Variants in DIS3L2 observed in about 807,000 individuals in gnomAD.
DIS3L2 encodes DIS3-like exonuclease 2.
Under a neutral mutation model 97.5 loss-of-function variants are expected in DIS3L2, and 34 were observed. That is an observed-to-expected ratio of 0.35 (90% CI 0.27 to 0.46). DIS3L2 has a LOEUF of 0.46. DIS3L2 is among the 20% of genes least tolerant of loss of function. The pLI, the probability that DIS3L2 is intolerant of heterozygous loss-of-function variation, is 1.00. For synonymous variants in DIS3L2, 435 were observed against 445.2 expected, an observed-to-expected ratio of 0.98 and a Z score of 0.29; for missense variants, 1,038 against 1,146.0, an observed-to-expected ratio of 0.91 and a Z score of 1.36.
At chr2:232,118,163 G>A (rs1472102815) in intron 6 of DIS3L2, among the ~76,000 whole-genome samples, 1 of 152,210 alleles carries the variant, frequency 6.6e-6, no homozygotes, top group Non-Finnish European at 1.5e-5. Flanking sequence ...ATCAGATCCA[G>A]AGAGTCAGCT....
chr2:232,087,237 T>G (rs1696688700), intron 5 of DIS3L2, among the ~76,000 whole-genome samples: 1 of 152,068 alleles, frequency 6.6e-6, no homozygotes. Context: ...AGATCAGAAA[T>G]ATGAGAAGTG....
chr2:231,994,509 A>T (rs1489965707), intron 1 of DIS3L2, among the ~76,000 whole-genome samples: 1 of 152,174 alleles, frequency 6.6e-6, no homozygotes, highest in East Asian at 1.9e-4. Context: ...TAGTGTCAAC[A>T]GCTTACCACT....
At position 231,981,722 on chromosome 2, in the gene DIS3L2, C is replaced by CT. The variant is rs199578441; in HGVS notation, c.-94+19965dup. ...TTTAATTAAGTGCTTATTAAGTGTCCTTTTTTTTAGATGTTTAATACTAAT... is the reference window on the plus strand; with the variant it reads ...TTTAATTAAGTGCTTATTAAGTGTCCTTTTTTTTTAGATGTTTAATACTAAT... On this transcript the variant is annotated intron_variant, in intron 1 of 20. Transcript: ENST00000325385. Among the ~76,000 whole-genome samples, 1,015 of 143,430 alleles carry CT rather than the reference C, an allele frequency of 7.1e-3. 10 individuals are homozygous for CT. Among genetic ancestry groups the CT allele is most frequent in the African/African-American group, 0.025 (976 of 38,928 alleles). The allele number at this position is 143,430 out of a possible 152,430, so 94.1% of individuals were successfully genotyped here. A position where few individuals can be genotyped will look rare whatever the true frequency, so the allele number is the denominator to read the frequency against.
chr2:232,199,356 G>C (rs544852314), intron 9 of DIS3L2, among the ~76,000 whole-genome samples: 46 of 152,266 alleles, frequency 3.0e-4, no homozygotes, highest in East Asian at 2.9e-3. Flanking sequence ...GAAGTTTCTC[G>C]GAGTCAGATT....
At chr2:232,164,966 G>A (rs571207765) in intron 9 of DIS3L2, among the ~76,000 whole-genome samples, 2 of 152,288 alleles carry the variant, frequency 1.3e-5, no homozygotes, top group Admixed American at 6.5e-5. Flanking sequence ...AAGAATGCTA[G>A]AATAAATGGT....
chr2:232,160,378 A>G (rs1030070076), intron 8 of DIS3L2, among the ~76,000 whole-genome samples: 1 of 152,194 alleles, frequency 6.6e-6, no homozygotes, highest in Non-Finnish European at 1.5e-5. Flanking sequence ...GGCAGTTTGC[A>G]TCTTTCAAGG....
At chr2:231,988,999 A>G (rs774570541) in intron 1 of DIS3L2, among the ~76,000 whole-genome samples, 1 of 152,188 alleles carries the variant, frequency 6.6e-6, no homozygotes, top group Non-Finnish European at 1.5e-5. Flanking sequence ...CCAAATTGCC[A>G]TGGTAAAATT....
chr2:232,158,665 C>CT (rs1690567809), intron 8 of DIS3L2, among the ~76,000 whole-genome samples: 1 of 152,020 alleles, frequency 6.6e-6, no homozygotes, highest in South Asian at 2.1e-4. Context: ...CAAGAAATTT[C>CT]TTTTTTTCTT....
At chr2:232,114,406 C>A (rs1458244525) in intron 6 of DIS3L2, among the ~76,000 whole-genome samples, 1 of 152,056 alleles carries the variant, frequency 6.6e-6, no homozygotes, top group African/African-American at 2.4e-5. Flanking sequence ...AGCTTAGCAA[C>A]TGTGTGATGC....
At chr2:232,092,329 GAAGTCTGGTA>G (rs1168740260) in intron 6 of DIS3L2, among the ~76,000 whole-genome samples, 1 of 152,128 alleles carries the variant, frequency 6.6e-6, no homozygotes, top group African/African-American at 2.4e-5. Context: ...ATTATAATTT[GAAGTCTGGTA>G]ATCTGATTCC....
intron 13 of DIS3L2, among the ~76,000 whole-genome samples, chr2:232,279,565 A>G (rs560961628): frequency 7.3e-5 from 11 of 151,686 alleles, no homozygotes; most frequent in African/African-American, 1.9e-4. Flanking sequence ...GTCTTGCACT[A>G]TCGCCCAGGC....
At chr2:232,016,746 C>G (rs771655441) in intron 3 of DIS3L2, among the ~76,000 whole-genome samples, 2 of 151,796 alleles carry the variant, frequency 1.3e-5, no homozygotes, top group African/African-American at 4.8e-5. Flanking sequence ...ATAATACTTT[C>G]ATTAGTATAG....
chr2:232,292,067 G>A lies in DIS3L2; in HGVS notation c.1660-7973G>A, dbSNP rs549025517. ...CAGCCAAAGATCTACCTGTTCAGTA[G>A]CCCAGAGGGACCCCTGGCATGCTTG... is the stretch of plus-strand genomic sequence containing the variant. On this transcript the variant is annotated intron_variant, in intron 13 of 20. Coordinates refer to ENST00000325385, the MANE Select transcript of DIS3L2 (RefSeq NM_152383.5). The surrounding 1 kb of genome is among the most constrained non-coding windows in gnomAD (Gnocchi z 4.4). 1.3e-5 allele frequency among the ~76,000 whole-genome samples: 2 copies of A among 152,216 alleles called. No individual in the cohort carries two copies. Among genetic ancestry groups the A allele is most frequent in the South Asian group, 4.2e-4 (2 of 4,818 alleles).
intron 1 of DIS3L2, among the ~76,000 whole-genome samples, chr2:231,989,339 TTGTGTGTGTGTGTG>T (rs59088969): frequency 3.4e-5 from 5 of 146,798 alleles, no homozygotes; most frequent in South Asian, 2.2e-4. Flanking sequence ...GTCAGTATAA[TTGTGTGTGTGTGTG>T]TGTGTGTGTG....
chr2:232,297,726 A>G (rs1378888083), intron 13 of DIS3L2, among the ~76,000 whole-genome samples: 3 of 139,706 alleles, frequency 2.1e-5, no homozygotes, highest in South Asian at 4.5e-4. Flanking sequence ...TTTTTGAGAC[A>G]GACTCTCGCT....
chr2:232,024,373 T>G (rs1694602913), intron 4 of DIS3L2, 43 bp downstream of exon 4: 1 of 1,464,884 alleles, frequency 6.8e-7, no homozygotes, highest in Non-Finnish European at 9.4e-7. Context: ...TCACATTTAA[T>G]TTTTTAGATC....
At chr2:232,082,933 T>A (rs981821258) in intron 5 of DIS3L2, among the ~76,000 whole-genome samples, 1 of 152,156 alleles carries the variant, frequency 6.6e-6, no homozygotes, top group Non-Finnish European at 1.5e-5. Flanking sequence ...CTTCCAGTCG[T>A]GGCAGAAGGT....
chr2:232,168,535 A>G (rs765468182), intron 9 of DIS3L2, among the ~76,000 whole-genome samples: 3 of 152,186 alleles, frequency 2.0e-5, no homozygotes, highest in Non-Finnish European at 4.4e-5. Flanking sequence ...TAGTTTAGCT[A>G]AAACTAGACA....
At chr2:231,992,478 A>G (rs1693611923) in intron 1 of DIS3L2, among the ~76,000 whole-genome samples, 1 of 152,150 alleles carries the variant, frequency 6.6e-6, no homozygotes, top group Non-Finnish European at 1.5e-5. Flanking sequence ...TCCTTTCATA[A>G]AAACACCAAC....
Sources: allele counts gnomAD v4.1 joint callset (sites outside exome capture counted in the v4.1 genomes callset), GRCh38; gene constraint gnomAD v4.1.1; non-coding constraint Gnocchi (gnomAD v3.1); transcripts MANE v1.5; gene names NCBI Gene and HGNC (gene_info 2026-07-23, HGNC 2026-07-21).